GALNT17: variants seen among roughly 807,000 people sequenced by gnomAD.
The protein encoded by GALNT17 is UDP-GalNAc:polypeptide N-acetylgalactosaminyltransferase-like 3.
GALNT17 carries 29 observed loss-of-function variants against 63.7 expected under a neutral mutation model. That is an observed-to-expected ratio of 0.46 (90% CI 0.34 to 0.62). The LOEUF is 0.62. Ranked by LOEUF, GALNT17 falls within the 20% of genes least tolerant of loss-of-function variation. The pLI, the probability that GALNT17 is intolerant of heterozygous loss-of-function variation, is 0.01. For missense variants in GALNT17, 603 were observed against 799.6 expected (o/e 0.75, Z 2.97); for synonymous variants, 305 against 318.3 (o/e 0.96, Z 0.45).
intron 5 of GALNT17, among the ~76,000 whole-genome samples, chr7:71,526,072 GACCA>G (rs1327653775): frequency 1.3e-5 from 2 of 152,058 alleles, no homozygotes; most frequent in Non-Finnish European, 2.9e-5. Flanking sequence ...CATGAAAACA[GACCA>G]ATGCACACAC....
intron 5 of GALNT17, among the ~76,000 whole-genome samples, chr7:71,489,668 G>A (rs1458763763): frequency 6.6e-6 from 1 of 152,256 alleles, no homozygotes; most frequent in Non-Finnish European, 1.5e-5. Flanking sequence ...GATTTTACTA[G>A]AGGCTTACAT....
chr7:71,380,307 C>T (rs1297604111), intron 2 of GALNT17, among the ~76,000 whole-genome samples: 1 of 151,976 alleles, frequency 6.6e-6, no homozygotes, highest in Non-Finnish European at 1.5e-5. Flanking sequence ...GAAAAAGAGA[C>T]TATTTACTTA....
chr7:71,494,553 C>G (rs1208390920), intron 5 of GALNT17, among the ~76,000 whole-genome samples: 1 of 152,028 alleles, frequency 6.6e-6, no homozygotes, highest in African/African-American at 2.4e-5. Flanking sequence ...GAAATGGGGC[C>G]TCACTGTATT....
intron 6 of GALNT17, among the ~76,000 whole-genome samples, chr7:71,585,758 T>C (rs1789706916): frequency 6.6e-6 from 1 of 152,178 alleles, no homozygotes; most frequent in Non-Finnish European, 1.5e-5. Context: ...GTCTTCAGTC[T>C]GATGAATTTC....
At chr7:71,212,020 A>G (rs1398792748) in intron 1 of GALNT17, among the ~76,000 whole-genome samples, 1 of 152,232 alleles carries the variant, frequency 6.6e-6, no homozygotes, top group African/African-American at 2.4e-5. Context: ...CATAAGAAGC[A>G]AGGAGCCTAA....
At chr7:71,295,323 T>C (rs2115843416) in intron 1 of GALNT17, among the ~76,000 whole-genome samples, 1 of 152,276 alleles carries the variant, frequency 6.6e-6, no homozygotes, top group East Asian at 1.9e-4. Flanking sequence ...ATCTATTCCA[T>C]TGCTTGCCCA....
At chr7:71,347,282 T>TAA (rs1792113210) in intron 2 of GALNT17, among the ~76,000 whole-genome samples, 1 of 152,222 alleles carries the variant, frequency 6.6e-6, no homozygotes, top group African/African-American at 2.4e-5. Flanking sequence ...CTCAGCTTTG[T>TAA]CCCTTTCTAG....
chr7:71,627,111 A>G (rs907980701), intron 6 of GALNT17, among the ~76,000 whole-genome samples: 2 of 152,376 alleles, frequency 1.3e-5, no homozygotes, highest in Admixed American at 6.5e-5. Context: ...TGCAAAAAAT[A>G]AAGGAGTTTC....
intron 1 of GALNT17, among the ~76,000 whole-genome samples, chr7:71,197,725 C>G (rs1242861513): frequency 6.6e-6 from 1 of 152,074 alleles, no homozygotes; most frequent in Admixed American, 6.6e-5. Context: ...TGGCTTATTT[C>G]ACTTAACATA....
At chr7:71,609,567 G>C (rs948212175) in intron 6 of GALNT17, among the ~76,000 whole-genome samples, 1 of 152,060 alleles carries the variant, frequency 6.6e-6, no homozygotes, top group South Asian at 2.1e-4. Context: ...GTACATAGTA[G>C]GTGTATATAT....
At chr7:71,397,901 CCTT>C (rs1793167138) in intron 3 of GALNT17, among the ~76,000 whole-genome samples, 1 of 151,952 alleles carries the variant, frequency 6.6e-6, no homozygotes, top group African/African-American at 2.4e-5. Flanking sequence ...TTAGATGTTG[CCTT>C]CTTTCAGAAT....
chr7:71,538,695 G>A (rs1788839516), intron 5 of GALNT17, among the ~76,000 whole-genome samples: 1 of 152,064 alleles, frequency 6.6e-6, no homozygotes, highest in African/African-American at 2.4e-5. Context: ...TTTTAAAAGT[G>A]GGTTTCTGCA....
At chr7:71,213,989 C>T (rs556470955) in intron 1 of GALNT17, among the ~76,000 whole-genome samples, 35 of 152,304 alleles carry the variant, frequency 2.3e-4, no homozygotes, top group Non-Finnish European at 3.8e-4. Flanking sequence ...GGATCCTCTT[C>T]GTGGAAAAAC....
chr7:71,419,798 G>T (rs528997714), intron 4 of GALNT17, among the ~76,000 whole-genome samples: 4 of 152,340 alleles, frequency 2.6e-5, no homozygotes, highest in Admixed American at 2.6e-4. Flanking sequence ...ATGGTCCTAA[G>T]CCTGCCTGGA....
chr7:71,665,747 A>C, intron 7 of GALNT17, 151 bp downstream of exon 7: 1 of 911,732 alleles, frequency 1.1e-6, no homozygotes, highest in Non-Finnish European at 1.6e-6. Flanking sequence ...CAGATGTCTC[A>C]GCTTTAGAAC....
At chr7:71,182,855 A>G (rs1562892641) in intron 1 of GALNT17, among the ~76,000 whole-genome samples, 3 of 152,172 alleles carry the variant, frequency 2.0e-5, no homozygotes, top group African/African-American at 2.4e-5. Flanking sequence ...CATCTTGCCC[A>G]TTTGTCAGAG....
At chr7:71,564,058 A>T (rs544983528) in intron 5 of GALNT17, among the ~76,000 whole-genome samples, 1 of 151,958 alleles carries the variant, frequency 6.6e-6, no homozygotes. Context: ...GTCCTCCACA[A>T]TGATCCAGTT....
At chr7:71,239,783 T>C (rs1473033283) in intron 1 of GALNT17, among the ~76,000 whole-genome samples, 1 of 152,176 alleles carries the variant, frequency 6.6e-6, no homozygotes, top group Non-Finnish European at 1.5e-5. Flanking sequence ...GGTTTAAAAA[T>C]AACTTTACTA....
Position 71,251,934 on chromosome 7 carries a change from A to G in GALNT17, c.239-83616A>G, listed in dbSNP as rs897810648. Reference sequence around the variant, plus strand: ...GGACTTGTTTGGTTAAAGCTGAACCATAAGATCTGTACAGTCACTACCTGG... The same window carrying G: ...GGACTTGTTTGGTTAAAGCTGAACCGTAAGATCTGTACAGTCACTACCTGG... On this transcript the variant is annotated intron_variant, in intron 1 of 10. Transcript: ENST00000333538. Among the ~76,000 whole-genome samples, 3 of 152,128 alleles carry G rather than the reference A, an allele frequency of 2.0e-5. No homozygotes were observed. The East Asian group carries it at 5.8e-4, about 29-fold the overall frequency.
Sources: gnomAD v4.1 joint callset for allele counts (sites outside exome capture counted in the v4.1 genomes callset) on GRCh38, gnomAD v4.1.1 for gene constraint, MANE v1.5 for transcripts, NCBI Gene and HGNC (gene_info 2026-07-23, HGNC 2026-07-21) for gene names.